The following PTPRG variants were observed in gnomAD, a reference collection of about 807,000 sequenced individuals.
PTPRG encodes protein tyrosine phosphatase receptor type G, also known as receptor-type tyrosine-protein phosphatase gamma.
Under a neutral mutation model 165.3 loss-of-function variants are expected in PTPRG, and 102 were observed. The observed-to-expected ratio is 0.62, with a 90% CI of 0.53 to 0.73. The LOEUF (loss-of-function observed/expected upper bound fraction) is 0.73. Ranked by LOEUF, PTPRG falls within the 30% of genes least tolerant of loss-of-function variation. The pLI is 0.00. For missense variants in PTPRG, 1,866 were observed against 1,861.4 expected (o/e 1.00, Z -0.05); for synonymous variants, 675 against 669.5 (o/e 1.01, Z -0.13).
chr3:62,084,233 T>C (rs2526423), intron 5 of PTPRG, among the ~76,000 whole-genome samples: 6 of 152,026 alleles, frequency 3.9e-5, no homozygotes, highest in Admixed American at 6.5e-5. Flanking sequence ...TAAGAAGTAA[T>C]TGAATTGCAT....
At chr3:62,059,046 C>T (rs1355883653) in intron 4 of PTPRG, among the ~76,000 whole-genome samples, 1 of 152,202 alleles carries the variant, frequency 6.6e-6, no homozygotes, top group East Asian at 1.9e-4. Context: ...ATCCGGTCTG[C>T]TCTGAAGGGG....
chr3:61,836,575 C>A (rs2036468708), intron 2 of PTPRG, among the ~76,000 whole-genome samples: 2 of 152,166 alleles, frequency 1.3e-5, no homozygotes, highest in South Asian at 4.1e-4. Flanking sequence ...ACATTATTGA[C>A]ATCAAGGCCT....
Position 62,195,445 on chromosome 3 carries a change from G to A in PTPRG, c.1327+275G>A, listed in dbSNP as rs1421269185. ...AACCAAGTACTCGGGCCTTTTTCTC[G>A]GTCACTGTCCAGCGCTGTGTCAGAT... On this transcript the variant is annotated intron_variant, in intron 10 of 29. Coordinates refer to ENST00000474889, the MANE Select transcript of PTPRG (RefSeq NM_002841.4). This position sits in a 1 kb window ranked among gnomAD's most constrained non-coding sequence, Gnocchi z 4.4. Among the ~76,000 whole-genome samples, 1 of 152,072 alleles carries A rather than the reference G, an allele frequency of 6.6e-6. No individual in the cohort carries two copies. Among genetic ancestry groups the A allele is most frequent in the Non-Finnish European group, 1.5e-5 (1 of 68,002 alleles).
intron 2 of PTPRG, among the ~76,000 whole-genome samples, chr3:61,844,203 A>C (rs1457033370): frequency 6.6e-6 from 1 of 152,132 alleles, no homozygotes; most frequent in Non-Finnish European, 1.5e-5. Flanking sequence ...ACCTGAGGTG[A>C]TCTGCCTGCC....
chr3:61,827,826 C>G (rs2107280978), intron 2 of PTPRG, among the ~76,000 whole-genome samples: 1 of 152,210 alleles, frequency 6.6e-6, no homozygotes, highest in South Asian at 2.1e-4. Flanking sequence ...CTTTAGAGAT[C>G]TAAAGAGATT....
chr3:62,239,418 G>A (rs528951842), intron 14 of PTPRG, among the ~76,000 whole-genome samples: 45 of 142,926 alleles, frequency 3.1e-4, no homozygotes, highest in South Asian at 1.1e-3. Context: ...CTAGAGTGCA[G>A]TGGTGTGATC....
intron 1 of PTPRG, among the ~76,000 whole-genome samples, chr3:61,598,946 A>G (rs906301881): frequency 1.3e-5 from 2 of 152,116 alleles, no homozygotes. Flanking sequence ...TACCAGTTGT[A>G]CTGGAATAAG....
chr3:61,724,680 C>T (rs907419958), intron 1 of PTPRG, among the ~76,000 whole-genome samples: 3 of 151,962 alleles, frequency 2.0e-5, no homozygotes, highest in African/African-American at 7.3e-5. Flanking sequence ...TTTATTTTAG[C>T]GATTCTGATA....
intron 5 of PTPRG, among the ~76,000 whole-genome samples, chr3:62,097,671 T>C (rs1349006479): frequency 6.6e-6 from 1 of 152,252 alleles, no homozygotes; most frequent in East Asian, 1.9e-4. Flanking sequence ...AGCATACTTA[T>C]AAAATAGAAC....
At chr3:61,611,522 GT>G (rs1243276082) in intron 1 of PTPRG, among the ~76,000 whole-genome samples, 10 of 152,178 alleles carry the variant, frequency 6.6e-5, no homozygotes, top group African/African-American at 2.4e-4. Context: ...AAGGGAGCCT[GT>G]TTAGAAGGAA....
chr3:62,217,000 C>G (rs1700528876), intron 12 of PTPRG, among the ~76,000 whole-genome samples: 1 of 152,194 alleles, frequency 6.6e-6, no homozygotes, highest in Non-Finnish European at 1.5e-5. Context: ...CCCCTGGTGC[C>G]ACATTCATTG....
chr3:61,761,462 C>T (rs2033831460), intron 2 of PTPRG, among the ~76,000 whole-genome samples: 1 of 152,164 alleles, frequency 6.6e-6, no homozygotes, highest in Non-Finnish European at 1.5e-5. Flanking sequence ...ACCTGTAACC[C>T]AGCTACTTGG....
At chr3:61,895,710 A>C (rs2038336767) in intron 2 of PTPRG, among the ~76,000 whole-genome samples, 1 of 152,198 alleles carries the variant, frequency 6.6e-6, no homozygotes, top group South Asian at 2.1e-4. Context: ...GGGCTGAAAC[A>C]AGTGATAAAA....
chr3:62,281,672 A>C lies in PTPRG; in HGVS notation c.3875A>C (p.Gln1292Pro), dbSNP rs1702456560. Residue 1292 changes from glutamine (Q) to proline (P), a missense_variant, in exon 27 of 30, where the codon CAA (glutamine) becomes CCA (proline). Transcript: ENST00000474889. ...AGACTGTGCCTCTCTAATGAAGAAC[A>C]AATTATCATCCATGACTTTATCCTT... ...KDRLCLSNEE[Q>P]IIIHDFILEA... The C allele has an allele frequency of 6.2e-7, 1 of 1,611,664 alleles. No homozygotes were observed. Among genetic ancestry groups the C allele is most frequent in the South Asian group, 1.1e-5 (1 of 90,942 alleles).
intron 1 of PTPRG, among the ~76,000 whole-genome samples, chr3:61,672,706 G>A (rs571556190): frequency 3.9e-4 from 58 of 149,970 alleles, no homozygotes; most frequent in African/African-American, 1.4e-3. Flanking sequence ...GAGGGAGACC[G>A]TGGAAAGAGA....
At chr3:62,125,741 A>G (rs561902747) in intron 5 of PTPRG, among the ~76,000 whole-genome samples, 21 of 151,316 alleles carry the variant, frequency 1.4e-4, no homozygotes, top group Admixed American at 1.1e-3. Context: ...ACAGTTTGCA[A>G]CGTAGCTTAA....
chr3:61,816,345 C>T (rs550638132), intron 2 of PTPRG, among the ~76,000 whole-genome samples: 24 of 152,132 alleles, frequency 1.6e-4, no homozygotes, highest in Non-Finnish European at 2.8e-4. Flanking sequence ...TCCTGGCCAA[C>T]ATGGCGAAAC....
chr3:62,039,533 A>G (rs1342395288), intron 4 of PTPRG, among the ~76,000 whole-genome samples: 1 of 152,066 alleles, frequency 6.6e-6, no homozygotes, highest in Non-Finnish European at 1.5e-5. Context: ...TTCTTCTCTC[A>G]AGGCCAGTCA....
At chr3:61,728,414 G>T (rs1023167969) in intron 1 of PTPRG, among the ~76,000 whole-genome samples, 1 of 151,978 alleles carries the variant, frequency 6.6e-6, no homozygotes, top group Non-Finnish European at 1.5e-5. Flanking sequence ...AGACCCCTTC[G>T]CTACAAAAAA....
Sources: gnomAD v4.1 joint callset for allele counts (sites outside exome capture counted in the v4.1 genomes callset) on GRCh38, gnomAD v4.1.1 for gene constraint, Gnocchi (gnomAD v3.1) non-coding constraint, MANE v1.5 for transcripts, NCBI Gene and HGNC (gene_info 2026-07-23, HGNC 2026-07-21) for gene names.